Variants in ECE1 observed in about 807,000 individuals in gnomAD.
ECE1 encodes the protein endothelin converting enzyme 1, also known as endothelin-converting enzyme 1.
A neutral mutation model predicts 98.6 loss-of-function variants in ECE1; 35 were observed. The ratio of observed to expected loss-of-function variants is 0.35; its 90% CI spans 0.27 to 0.47. The LOEUF (loss-of-function observed/expected upper bound fraction) is 0.47, where lower values mean the gene tolerates loss of function less well. Ranked by LOEUF, ECE1 falls within the 20% of genes least tolerant of loss-of-function variation. The pLI, the probability that ECE1 is intolerant of heterozygous loss-of-function variation, is 1.00. For missense variants in ECE1, 814 were observed against 1,025.3 expected (o/e 0.79, Z 2.81); for synonymous variants, 394 against 407.1 (o/e 0.97, Z 0.39).
At chr1:21,296,229 C>G (rs1395873708) in intron 1 of ECE1, among the ~76,000 whole-genome samples, 1 of 151,982 alleles carries the variant, frequency 6.6e-6, no homozygotes, top group Middle Eastern at 3.2e-3. Flanking sequence ...AATCATGTAC[C>G]CTTCAGCCGG....
At chr1:21,288,540 G>A (rs2098263048) in intron 2 of ECE1, among the ~76,000 whole-genome samples, 1 of 152,208 alleles carries the variant, frequency 6.6e-6, no homozygotes, top group African/African-American at 2.4e-5. Flanking sequence ...TCTGAAAAAG[G>A]TTATACCCCA....
intron 1 of ECE1, among the ~76,000 whole-genome samples, chr1:21,335,288 C>T (rs1388983443): frequency 6.6e-6 from 1 of 152,182 alleles, no homozygotes; most frequent in Non-Finnish European, 1.5e-5. Flanking sequence ...CACTCTCCAC[C>T]ACATCGCCCT....
At chr1:21,283,770 G>A (rs923832795) in intron 2 of ECE1, among the ~76,000 whole-genome samples, 1 of 152,214 alleles carries the variant, frequency 6.6e-6, no homozygotes, top group East Asian at 1.9e-4. Flanking sequence ...AACAGATGGT[G>A]TTCACTGCAA....
chr1:21,308,603 A>C (rs1174731043), intron 1 of ECE1, among the ~76,000 whole-genome samples: 2 of 152,142 alleles, frequency 1.3e-5, no homozygotes, highest in African/African-American at 4.8e-5. Context: ...TGGACCCAGG[A>C]AAATTGGCTG....
chr1:21,250,731 G>A (rs1450604930), intron 8 of ECE1, among the ~76,000 whole-genome samples: 1 of 152,228 alleles, frequency 6.6e-6, no homozygotes, highest in Non-Finnish European at 1.5e-5. Flanking sequence ...GCTGAGGCCG[G>A]GCGCGGTGGC....
chr1:21,234,873 C>G (rs2098186130), intron 13 of ECE1, among the ~76,000 whole-genome samples: 1 of 152,166 alleles, frequency 6.6e-6, no homozygotes, highest in South Asian at 2.1e-4. Context: ...CAGGATGCCT[C>G]CAGAGGCCCA....
At chr1:21,333,643 G>T (rs965933209) in intron 1 of ECE1, among the ~76,000 whole-genome samples, 7 of 152,146 alleles carry the variant, frequency 4.6e-5, no homozygotes, top group African/African-American at 1.7e-4. Context: ...GACCAGCCTG[G>T]CCAACATGGT....
chr1:21,238,379 G>A, intron 10 of ECE1, 135 bp from the exon 11 acceptor site: 2 of 744,622 alleles, frequency 2.7e-6, no homozygotes, highest in Non-Finnish European at 2.4e-6. Context: ...ACCCAGTAAA[G>A]TTATTTTAGT....
chr1:21,219,897 T>G lies in ECE1; in HGVS notation c.*58A>C. On this transcript the variant is annotated 3_prime_UTR_variant, in exon 19 of 19. Coordinates refer to ENST00000374893, the MANE Select transcript of ECE1 (RefSeq NM_001397.3). This position sits in a 1 kb window ranked among gnomAD's most constrained non-coding sequence, Gnocchi z 4.5. ...GCTGAGCAATGCCCTGGAGGCTGGATGGGGGTCTCGTCCTCAGCCCCTTCC... is the reference window on the plus strand; with the variant it reads ...GCTGAGCAATGCCCTGGAGGCTGGAGGGGGGTCTCGTCCTCAGCCCCTTCC... 1 of 1,604,038 alleles carries G rather than the reference T, an allele frequency of 6.2e-7. No homozygotes were observed. The highest frequency in any genetic ancestry group is 1.1e-5 in the South Asian group (1 of 90,062).
chr1:21,228,090 G>GCTGTCCCCACC, intron 14 of ECE1, 49 bp from the exon 15 acceptor site: 1 of 1,469,140 alleles, frequency 6.8e-7, no homozygotes, highest in Non-Finnish European at 9.3e-7. Context: ...CGGGAGGCAG[G>GCTGTCCCCACC]TGGGGACAGC....
intron 1 of ECE1, among the ~76,000 whole-genome samples, chr1:21,304,525 T>TA (rs1227565063): frequency 6.6e-6 from 1 of 152,084 alleles, no homozygotes; most frequent in East Asian, 1.9e-4. Context: ...TTCTTACTTT[T>TA]AAAAAAGAGA....
intron 1 of ECE1, among the ~76,000 whole-genome samples, chr1:21,331,201 G>A (rs925567803): frequency 2.0e-5 from 3 of 152,058 alleles, no homozygotes; most frequent in East Asian, 1.9e-4. Context: ...TCAGGAGATC[G>A]AGACGACCCT....
chr1:21,307,258 C>T lies in ECE1; in HGVS notation c.4-17102G>A, dbSNP rs1162556593. On this transcript the variant is annotated intron_variant, in intron 1 of 18. Coordinates refer to the ECE1 transcript ENST00000415912. The surrounding 1 kb of genome is among the most constrained non-coding windows in gnomAD (Gnocchi z 4.2). Reference sequence around the variant, plus strand: ...TTTAATTCACTTTTGCTCTTCACAGCGACTCTGGGGGGCTGGAGCTAGCAT... The same window carrying T: ...TTTAATTCACTTTTGCTCTTCACAGTGACTCTGGGGGGCTGGAGCTAGCAT... 6.6e-6 allele frequency among the ~76,000 whole-genome samples: 1 copy of T among 152,172 alleles called. No individual in the cohort carries two copies. Among genetic ancestry groups the T allele is most frequent in the African/African-American group, 2.4e-5 (1 of 41,446 alleles).
chr1:21,269,955 C>A (rs188531631), intron 4 of ECE1, among the ~76,000 whole-genome samples: 1 of 152,174 alleles, frequency 6.6e-6, no homozygotes, highest in Non-Finnish European at 1.5e-5. Context: ...TCCCCACCCA[C>A]GGCTTGATTG....
intron 1 of ECE1, among the ~76,000 whole-genome samples, chr1:21,314,249 G>A (rs1335884766): frequency 6.6e-6 from 1 of 152,196 alleles, no homozygotes; most frequent in Non-Finnish European, 1.5e-5. Context: ...ATGGGAGCCT[G>A]CAGAATGGCG....
At chr1:21,316,121 CT>C in intron 1 of ECE1, among the ~76,000 whole-genome samples, 1 of 152,352 alleles carries the variant, frequency 6.6e-6, no homozygotes. Context: ...AGACACTGTT[CT>C]TGGTGCTGTT....
At chr1:21,309,099 T>C (rs748777240) in intron 1 of ECE1, among the ~76,000 whole-genome samples, 1 of 152,208 alleles carries the variant, frequency 6.6e-6, no homozygotes, top group Non-Finnish European at 1.5e-5. Context: ...CCACAGGGCC[T>C]TCCCTCTCTC....
intron 10 of ECE1, among the ~76,000 whole-genome samples, chr1:21,242,381 ACAAAAGT>A (rs943078673): frequency 1.2e-4 from 18 of 152,214 alleles, no homozygotes; most frequent in African/African-American, 4.3e-4. Flanking sequence ...AAGGCCATTC[ACAAAAGT>A]CCTGTGAGGT....
chr1:21,304,064 C>T (rs1181787646), intron 1 of ECE1, among the ~76,000 whole-genome samples: 6 of 150,722 alleles, frequency 4.0e-5, no homozygotes, highest in African/African-American at 1.5e-4. Flanking sequence ...GCCTGTAATC[C>T]CAGCACTCTG....
Sources: allele counts gnomAD v4.1 joint callset (sites outside exome capture counted in the v4.1 genomes callset), GRCh38; gene constraint gnomAD v4.1.1; non-coding constraint Gnocchi (gnomAD v3.1); transcripts MANE v1.5; gene names NCBI Gene and HGNC (gene_info 2026-07-23, HGNC 2026-07-21).